COL11A1: variants seen among roughly 807,000 people sequenced by gnomAD.
COL11A1 encodes the protein collagen alpha-1(XI) chain.
COL11A1 carries 74 observed loss-of-function variants against 265.2 expected under a neutral mutation model. The ratio of observed to expected loss-of-function variants is 0.28; its 90% CI spans 0.23 to 0.34. COL11A1 has a LOEUF of 0.34. Ranked by LOEUF, COL11A1 falls within the 10% of genes least tolerant of loss-of-function variation. The pLI is 1.00. For synonymous variants in COL11A1, 816 were observed against 727.6 expected (o/e 1.12, Z -1.96); for missense variants, 2,165 against 2,263.6 (o/e 0.96, Z 0.88).
intron 62 of COL11A1, 76 bp downstream of exon 62, chr1:102,888,501 T>A: frequency 7.2e-7 from 1 of 1,394,804 alleles, no homozygotes; most frequent in Non-Finnish European, 1.0e-6. Context: ...TTTGTCTATC[T>A]TATAAGTTCA....
At chr1:102,982,140 A>G (rs1407642773) in intron 31 of COL11A1, among the ~76,000 whole-genome samples, 1 of 151,970 alleles carries the variant, frequency 6.6e-6, no homozygotes, top group East Asian at 1.9e-4. Context: ...TATGAAGAGA[A>G]GCAATATGAA....
At chr1:103,065,464 G>A (rs1259450391) in intron 4 of COL11A1, among the ~76,000 whole-genome samples, 1 of 135,608 alleles carries the variant, frequency 7.4e-6, no homozygotes. Flanking sequence ...AGCTTGCAAT[G>A]AGCCCAGATC....
chr1:103,055,248 G>A (rs1407734475), intron 4 of COL11A1, among the ~76,000 whole-genome samples: 9 of 152,100 alleles, frequency 5.9e-5, no homozygotes, highest in Admixed American at 5.9e-4. Context: ...GTACTTGTTA[G>A]ATACTGTATG....
intron 58 of COL11A1, 50 bp downstream of exon 58, chr1:102,890,401 A>C: frequency 7.0e-7 from 1 of 1,436,310 alleles, no homozygotes; most frequent in East Asian, 2.4e-5. Context: ...CAGGGCTATT[A>C]GTATATAAAA....
At chr1:103,087,021 T>C (rs1033176611) in intron 1 of COL11A1, among the ~76,000 whole-genome samples, 6 of 152,288 alleles carry the variant, frequency 3.9e-5, no homozygotes, top group Admixed American at 1.3e-4. Flanking sequence ...TACATACATA[T>C]ATGTGGGAAA....
intron 54 of COL11A1, among the ~76,000 whole-genome samples, chr1:102,905,165 C>G (rs1338553041): frequency 7.2e-6 from 1 of 138,534 alleles, no homozygotes; most frequent in African/African-American, 2.8e-5. Flanking sequence ...TAGGTGGGAA[C>G]TGAACAATGA....
At chr1:102,882,289 G>C (rs1044639212) in intron 64 of COL11A1, among the ~76,000 whole-genome samples, 6 of 152,154 alleles carry the variant, frequency 3.9e-5, no homozygotes, top group Admixed American at 6.6e-5. Flanking sequence ...TTATTGTTCT[G>C]CTTTGTGAAG....
chr1:103,002,286 A>C, intron 23 of COL11A1, 142 bp downstream of exon 23: 1 of 865,370 alleles, frequency 1.2e-6, no homozygotes, highest in Non-Finnish European at 1.8e-6. Context: ...TTTTTTAAAA[A>C]AAGAAAAGTA....
chr1:102,915,896 A>G (rs1655275751), intron 49 of COL11A1, among the ~76,000 whole-genome samples: 1 of 152,178 alleles, frequency 6.6e-6, no homozygotes, highest in South Asian at 2.1e-4. Flanking sequence ...TGCAGGCTTG[A>G]TGCTGTAGTT....
chr1:102,994,131 C>T (rs188440095), intron 28 of COL11A1, among the ~76,000 whole-genome samples: 51 of 152,216 alleles, frequency 3.4e-4, no homozygotes, highest in Non-Finnish European at 5.7e-4. Flanking sequence ...TATCCATTCC[C>T]TATTGGTATC....
chr1:103,062,485 A>G (rs2102206885), intron 4 of COL11A1, among the ~76,000 whole-genome samples: 1 of 152,116 alleles, frequency 6.6e-6, no homozygotes, highest in Middle Eastern at 3.4e-3. Context: ...TGCCATAGTC[A>G]AGTGGAATTT....
chr1:103,031,249 G>GGAAA lies in COL11A1; in HGVS notation c.652-6_652-5insTTTC, dbSNP rs749687230. 25 of 1,363,602 alleles carry GGAAA rather than the reference G, an allele frequency of 1.8e-5. No homozygotes were observed. The African/African-American group carries it at 3.0e-4, about 16-fold the overall frequency. The allele number at this position is 1,363,602 out of a possible 1,614,324, so 84.5% of individuals were successfully genotyped here. A position where few individuals can be genotyped will look rare whatever the true frequency, so the allele number is the denominator to read the frequency against. On this transcript the variant is annotated splice_polypyrimidine_tract_variant and splice_region_variant and intron_variant, in intron 4 of 66. Coordinates refer to ENST00000370096, the MANE Select transcript of COL11A1 (RefSeq NM_001854.4). ...CAAAAACTGCTGAATGTCCCCCTGG[G>GGAAA]AAAAAAAAAAAAACAAAAACAAACA...
At chr1:102,939,282 C>G (rs1011833945) in intron 43 of COL11A1, among the ~76,000 whole-genome samples, 194 bp from the exon 44 acceptor site, 3 of 152,026 alleles carry the variant, frequency 2.0e-5, no homozygotes, top group Non-Finnish European at 4.4e-5. Flanking sequence ...CAGACAAGTC[C>G]GTTTAACTTC....
chr1:102,920,479 C>G (rs1178660619), intron 48 of COL11A1, 115 bp from the exon 49 acceptor site: 6 of 873,400 alleles, frequency 6.9e-6, no homozygotes, highest in Non-Finnish European at 1.1e-5. Context: ...TATTCTTAGT[C>G]ATTTAAAGAA....
At chr1:103,097,080 A>G (rs917201132) in intron 1 of COL11A1, among the ~76,000 whole-genome samples, 1 of 152,006 alleles carries the variant, frequency 6.6e-6, no homozygotes, top group Non-Finnish European at 1.5e-5. Context: ...AAAAAACAAC[A>G]TGGCCCCAGT....
chr1:102,914,173 G>T (rs1655030992), intron 52 of COL11A1, among the ~76,000 whole-genome samples, 179 bp downstream of exon 52: 1 of 152,068 alleles, frequency 6.6e-6, no homozygotes, highest in African/African-American at 2.4e-5. Context: ...ACTTAGTGTT[G>T]GTGCAATAGT....
At chr1:103,007,883 A>AAT (rs984952262) in intron 15 of COL11A1, among the ~76,000 whole-genome samples, 4 of 151,676 alleles carry the variant, frequency 2.6e-5, no homozygotes, top group Non-Finnish European at 5.9e-5. Flanking sequence ...AAAAAAAAAA[A>AAT]AAAGATTGTC....
At chr1:103,095,681 CT>C (rs1274552686) in intron 1 of COL11A1, among the ~76,000 whole-genome samples, 1 of 151,918 alleles carries the variant, frequency 6.6e-6, no homozygotes, top group Non-Finnish European at 1.5e-5. Context: ...GCTCTCTTTC[CT>C]GCTCAGGTCC....
chr1:103,101,493 T>C (rs1282372451), intron 1 of COL11A1, among the ~76,000 whole-genome samples: 3 of 151,956 alleles, frequency 2.0e-5, no homozygotes, highest in East Asian at 3.9e-4. Flanking sequence ...CTGCTCTTTC[T>C]GGCAGTCATC....
Sources: gnomAD v4.1 joint callset for allele counts (sites outside exome capture counted in the v4.1 genomes callset) on GRCh38, gnomAD v4.1.1 for gene constraint, MANE v1.5 for transcripts, NCBI Gene and HGNC (gene_info 2026-07-23, HGNC 2026-07-21) for gene names.